The following PPM1L variants were observed in gnomAD, a reference collection of about 807,000 sequenced individuals.
PPM1L encodes the protein protein phosphatase 1L.
A neutral mutation model predicts 31.4 loss-of-function variants in PPM1L; 13 were observed. The ratio of observed to expected loss-of-function variants is 0.41; its 90% CI spans 0.27 to 0.66. The LOEUF (loss-of-function observed/expected upper bound fraction) is 0.66, where lower values mean the gene tolerates loss of function less well. Among genes scored for constraint, PPM1L ranks in the 30% least tolerant of loss-of-function variants. PPM1L has a pLI of 0.29. For missense variants in PPM1L, 326 were observed against 453.7 expected (o/e 0.72, Z 2.56); for synonymous variants, 184 against 175.4 (o/e 1.05, Z -0.39).
rs368117452 is a variant in PPM1L at position 160,756,698 on chromosome 3, C to T, written c.390C>T (p.His130=). 6.2e-7 allele frequency: 1 copy of T among 1,612,838 alleles called. No individual in the cohort carries two copies. The highest frequency in any genetic ancestry group is 8.5e-7 in the Non-Finnish European group (1 of 1,179,718). ...HPSIFGIFDG[H]GGETAAEYVK... is the part of the protein sequence containing the mutation. The stretch of plus-strand genomic sequence containing the variant: ...CCATCTTCGGGATCTTCGACGGGCA[C>T]GGGGGAGAGGTAGGAGCTACCCCGG... Residue 130 remains histidine, a synonymous_variant, in exon 1 of 4, where the codon CAC becomes CAT. Transcript: ENST00000498165. The surrounding 1 kb of genome is among the most constrained non-coding windows in gnomAD (Gnocchi z 6.2).
intron 1 of PPM1L, among the ~76,000 whole-genome samples, chr3:160,780,966 T>C (rs959719943): frequency 6.6e-6 from 1 of 152,248 alleles, no homozygotes; most frequent in Non-Finnish European, 1.5e-5. Flanking sequence ...CATTGTTCTC[T>C]TTAACTTGAT....
chr3:161,041,741 G>A lies in PPM1L; in HGVS notation c.575-23662G>A, dbSNP rs560174658. ...CCAGCCTGGACAACAGAGTGAGACT[G>A]TGCCTCAAAAAACAAACAAACAAAA... On this transcript the variant is annotated intron_variant, in intron 2 of 3. Coordinates refer to ENST00000498165, the MANE Select transcript of PPM1L (RefSeq NM_139245.4). Among the ~76,000 whole-genome samples, 85 of 152,056 alleles carry A rather than the reference G, an allele frequency of 5.6e-4. 1 individual carries two copies. The highest frequency in any genetic ancestry group is 2.7e-3 in the Admixed American group (42 of 15,280).
At chr3:160,804,756 G>A (rs1045722157) in intron 1 of PPM1L, among the ~76,000 whole-genome samples, 2 of 152,044 alleles carry the variant, frequency 1.3e-5, no homozygotes, top group Non-Finnish European at 2.9e-5. Context: ...CTTTCTTTCT[G>A]TGCTCTAATT....
intron 1 of PPM1L, among the ~76,000 whole-genome samples, chr3:160,792,554 A>T (rs1038868438): frequency 1.2e-4 from 19 of 152,202 alleles, no homozygotes; most frequent in African/African-American, 4.6e-4. Context: ...ATACACTATT[A>T]TTAACTAAAG....
At chr3:160,854,809 A>G (rs1171922758) in intron 1 of PPM1L, among the ~76,000 whole-genome samples, 1 of 150,578 alleles carries the variant, frequency 6.6e-6, no homozygotes, top group Non-Finnish European at 1.5e-5. Context: ...ATTCAATGCT[A>G]TTTCTATCAA....
chr3:160,909,715 A>T (rs1189232475), intron 1 of PPM1L, among the ~76,000 whole-genome samples: 1 of 152,242 alleles, frequency 6.6e-6, no homozygotes, highest in Non-Finnish European at 1.5e-5. Flanking sequence ...CAAAGAACTA[A>T]GAGGAAAATC....
At position 160,973,764 on chromosome 3, in the gene PPM1L, G is replaced by GTTTTTTTTTTTTTTTTTTT. The variant is rs75599237; in HGVS notation, c.574+11865_574+11883dup. Among the ~76,000 whole-genome samples, 22 of 88,466 alleles carry GTTTTTTTTTTTTTTTTTTT rather than the reference G, an allele frequency of 2.5e-4. 1 individual carries two copies. Among genetic ancestry groups the GTTTTTTTTTTTTTTTTTTT allele is most frequent in the Middle Eastern group, 7.2e-3 (1 of 138 alleles). The allele number at this position is 88,466 out of a possible 152,430, so 58.0% of individuals were successfully genotyped here. On this transcript the variant is annotated intron_variant, in intron 2 of 3. Coordinates refer to ENST00000498165, the MANE Select transcript of PPM1L (RefSeq NM_139245.4). ...GGTAAATTGCCTTCTGAAAGGCCCT[G>GTTTTTTTTTTTTTTTTTTT]TTTTTTTTTTTTTTTTTTTTTTTTT...
intron 1 of PPM1L, among the ~76,000 whole-genome samples, chr3:160,829,035 A>G (rs908050838): frequency 6.6e-6 from 1 of 152,026 alleles, no homozygotes; most frequent in Non-Finnish European, 1.5e-5. Flanking sequence ...GGGCAAGGAA[A>G]TCACACAGTG....
intron 1 of PPM1L, among the ~76,000 whole-genome samples, chr3:160,883,366 G>A (rs1469813170): frequency 6.6e-6 from 1 of 152,070 alleles, no homozygotes; most frequent in Non-Finnish European, 1.5e-5. Context: ...AATGAAATAT[G>A]TGTACAAAAG....
chr3:160,874,128 A>G (rs1263644676), intron 1 of PPM1L, among the ~76,000 whole-genome samples: 1 of 151,942 alleles, frequency 6.6e-6, no homozygotes, highest in Non-Finnish European at 1.5e-5. Context: ...AAGGGGTCAG[A>G]TTTTCTTGTC....
At chr3:161,046,403 C>G (rs1377456900) in intron 2 of PPM1L, among the ~76,000 whole-genome samples, 1 of 151,826 alleles carries the variant, frequency 6.6e-6, no homozygotes, top group African/African-American at 2.4e-5. Context: ...AAGTTGAATC[C>G]CTGAATAGAC....
intron 1 of PPM1L, among the ~76,000 whole-genome samples, chr3:160,896,864 C>G (rs1366334702): frequency 6.6e-6 from 1 of 152,078 alleles, no homozygotes; most frequent in Non-Finnish European, 1.5e-5. Flanking sequence ...TTTAGATAAT[C>G]AGATGGTTTA....
chr3:160,950,255 G>A (rs1289707909), intron 1 of PPM1L, among the ~76,000 whole-genome samples: 1 of 152,056 alleles, frequency 6.6e-6, no homozygotes, highest in East Asian at 1.9e-4. Flanking sequence ...TATTTACTTA[G>A]CATACTACCC....
chr3:160,896,027 C>T (rs77187189), intron 1 of PPM1L, among the ~76,000 whole-genome samples: 3,588 of 152,076 alleles, frequency 0.024, 77 homozygotes, highest in Middle Eastern at 0.034. Context: ...TTACTTAGTC[C>T]AGAACTAGAA....
intron 2 of PPM1L, among the ~76,000 whole-genome samples, chr3:161,004,009 G>A (rs551160608): frequency 0.025 from 3,734 of 147,722 alleles, 74 homozygotes; most frequent in South Asian, 0.04. Context: ...TTTGAGATAC[G>A]TCCCATCAAT....
chr3:160,937,354 C>G (rs1439951112), intron 1 of PPM1L, among the ~76,000 whole-genome samples: 2 of 152,146 alleles, frequency 1.3e-5, no homozygotes, highest in East Asian at 3.9e-4. Context: ...GGCGTGGTGG[C>G]TCACGCCTGT....
chr3:160,990,192 G>T (rs1038138806), intron 2 of PPM1L, among the ~76,000 whole-genome samples: 8 of 151,580 alleles, frequency 5.3e-5, no homozygotes, highest in Non-Finnish European at 1.2e-4. Flanking sequence ...GTAAAGACAG[G>T]AGTCTCATCA....
chr3:161,078,409 T>C lies in PPM1L; in HGVS notation c.*9252T>C, dbSNP rs1720176983. 1 of 152,210 alleles carries C rather than the reference T, an allele frequency of 6.6e-6. No individual in the cohort carries two copies. Among genetic ancestry groups the C allele is most frequent in the Non-Finnish European group, 1.5e-5 (1 of 68,034 alleles). The allele number at this position is 152,210 out of a possible 1,614,324, so 9.4% of individuals were successfully genotyped here. A position where few individuals can be genotyped will look rare whatever the true frequency, so the allele number is the denominator to read the frequency against. Reference sequence around the variant, plus strand: ...AAAATCACAAGGGATTATTTGTTTATAAAGAGATACAGGATCTATAATTTA... The same window carrying C: ...AAAATCACAAGGGATTATTTGTTTACAAAGAGATACAGGATCTATAATTTA... On this transcript the variant is annotated 3_prime_UTR_variant, in exon 4 of 4. Coordinates refer to ENST00000498165, the MANE Select transcript of PPM1L (RefSeq NM_139245.4).
intron 1 of PPM1L, among the ~76,000 whole-genome samples, chr3:160,774,015 C>A (rs916189462): frequency 6.6e-6 from 1 of 152,174 alleles, no homozygotes; most frequent in East Asian, 1.9e-4. Flanking sequence ...ATTCAGCCAT[C>A]CTTTCTGAGC....
Sources: gnomAD v4.1 joint callset for allele counts (sites outside exome capture counted in the v4.1 genomes callset) on GRCh38, gnomAD v4.1.1 for gene constraint, Gnocchi (gnomAD v3.1) non-coding constraint, MANE v1.5 for transcripts, NCBI Gene and HGNC (gene_info 2026-07-23, HGNC 2026-07-21) for gene names.